ADAM22: variants seen among roughly 807,000 people sequenced by gnomAD.
The protein encoded by ADAM22 is ADAM metallopeptidase domain 22.
A neutral mutation model predicts 144.6 loss-of-function variants in ADAM22; 65 were observed. The ratio of observed to expected loss-of-function variants is 0.45; its 90% confidence interval spans 0.37 to 0.55. The LOEUF (loss-of-function observed/expected upper bound fraction) is 0.55. Among genes scored for constraint, ADAM22 ranks in the 20% least tolerant of loss-of-function variants. ADAM22 has a pLI of 0.00. For synonymous variants in ADAM22, 391 were observed against 412.6 expected (o/e 0.95, Z 0.63); for missense variants, 974 against 1,184.9 (o/e 0.82, Z 2.61).
At chr7:88,180,517 G>A (rs1350869739) in intron 27 of ADAM22, among the ~76,000 whole-genome samples, 2 of 151,936 alleles carry the variant, frequency 1.3e-5, no homozygotes, top group Non-Finnish European at 2.9e-5. Context: ...ATCAGTAGAA[G>A]GCTTTTTTTG....
chr7:87,973,329 A>G (rs1386018415), intron 2 of ADAM22, among the ~76,000 whole-genome samples: 1 of 152,252 alleles, frequency 6.6e-6, no homozygotes, highest in African/African-American at 2.4e-5. Context: ...CAAAAAACAC[A>G]TGGAGAAGTG....
intron 2 of ADAM22, among the ~76,000 whole-genome samples, chr7:87,974,841 A>G (rs995301881): frequency 6.6e-6 from 1 of 152,092 alleles, no homozygotes; most frequent in Non-Finnish European, 1.5e-5. Context: ...TGCCTTTTCT[A>G]GTTTCTAGAG....
chr7:88,001,872 A>C (rs1468014694), intron 3 of ADAM22, among the ~76,000 whole-genome samples: 1 of 151,954 alleles, frequency 6.6e-6, no homozygotes, highest in East Asian at 1.9e-4. Context: ...CTTAAGATTG[A>C]GTAGGGATAT....
chr7:87,970,300 T>G (rs1356999647), intron 2 of ADAM22, among the ~76,000 whole-genome samples: 1 of 152,158 alleles, frequency 6.6e-6, no homozygotes, highest in Non-Finnish European at 1.5e-5. Context: ...GAATTATACT[T>G]GTAGTTTTTT....
At chr7:87,988,940 A>G (rs1789108703) in intron 3 of ADAM22, among the ~76,000 whole-genome samples, 1 of 152,240 alleles carries the variant, frequency 6.6e-6, no homozygotes, top group Admixed American at 6.5e-5. Context: ...TTGCAGGAAG[A>G]AAAATGGAAG....
intron 3 of ADAM22, among the ~76,000 whole-genome samples, chr7:88,028,697 A>T (rs1057097912): frequency 1.2e-4 from 18 of 151,892 alleles, no homozygotes; most frequent in African/African-American, 4.4e-4. Flanking sequence ...ATATACACAT[A>T]TGTATATATT....
At chr7:88,056,545 A>G (rs1808301920) in intron 3 of ADAM22, among the ~76,000 whole-genome samples, 1 of 152,212 alleles carries the variant, frequency 6.6e-6, no homozygotes, top group Non-Finnish European at 1.5e-5. Context: ...ATTTAGTTTG[A>G]GGAATACAAT....
At chr7:88,180,957 C>T (rs1167357783) in intron 27 of ADAM22, among the ~76,000 whole-genome samples, 2 of 152,022 alleles carry the variant, frequency 1.3e-5, no homozygotes, top group African/African-American at 4.8e-5. Context: ...ATGTACTACA[C>T]TTTTTTGGAC....
Position 88,116,825 on chromosome 7 carries a change from C to A in ADAM22, c.607+11C>A. On this transcript the variant is annotated intron_variant, in intron 7 of 31. Transcript: ENST00000413139. Reference sequence around the variant, plus strand: ...ATGATCTTCCATCTGGTATGATGTTCATATAGTGACTTTTTATCTAAAAGA... The same window carrying A: ...ATGATCTTCCATCTGGTATGATGTTAATATAGTGACTTTTTATCTAAAAGA... The A allele has an allele frequency of 6.3e-7, 1 of 1,593,718 alleles. No individual in the cohort carries two copies. The highest frequency in any genetic ancestry group is 1.1e-5 in the South Asian group (1 of 90,432).
chr7:88,163,131 T>C lies in ADAM22; in HGVS notation c.2027T>C (p.Phe676Ser). The C allele has an allele frequency of 6.2e-7, 1 of 1,612,212 alleles. No homozygotes were observed. Residue 676 changes from phenylalanine to serine, a missense_variant, in exon 23 of 32, where the codon TTT becomes TCT. Coordinates refer to ENST00000413139, the MANE Select transcript of ADAM22 (RefSeq NM_001324418.2). ...HRCLPVASFNFSTCLSSKEGT... is the reference protein window; with the variant it reads ...HRCLPVASFNSSTCLSSKEGT... ...TGTCTTCCTGTGGCTTCTTTCAACT[T>C]TAGTACTTGCTTGAGCAGTAAAGAA... is the stretch of plus-strand genomic sequence containing the variant.
chr7:88,069,979 C>T (rs1812307042), intron 3 of ADAM22, among the ~76,000 whole-genome samples: 1 of 152,032 alleles, frequency 6.6e-6, no homozygotes, highest in African/African-American at 2.4e-5. Context: ...TGGGTTCATC[C>T]TCTGAGTCAA....
At chr7:88,054,588 CTGTGTGTGTGTGTGTGTGTGTGTG>C in intron 3 of ADAM22, among the ~76,000 whole-genome samples, 1 of 132,284 alleles carries the variant, frequency 7.6e-6, no homozygotes, top group Middle Eastern at 3.8e-3. Context: ...AGGTGCCCTC[CTGTGTGTGTGTGTGTGTGTGTGTG>C]TGTGTGTGTG....
At chr7:88,169,344 A>G (rs185672931) in intron 25 of ADAM22, among the ~76,000 whole-genome samples, 1 of 152,250 alleles carries the variant, frequency 6.6e-6, no homozygotes, top group African/African-American at 2.4e-5. Flanking sequence ...AGTGAAGGAG[A>G]GTACAGCACA....
At chr7:88,180,374 G>A (rs1188157025) in intron 27 of ADAM22, among the ~76,000 whole-genome samples, 1 of 151,976 alleles carries the variant, frequency 6.6e-6, no homozygotes, top group South Asian at 2.1e-4. Flanking sequence ...AGAAATTAAT[G>A]GTTTCCAGCA....
intron 15 of ADAM22, 118 bp downstream of exon 15, chr7:88,143,243 A>C: frequency 1.6e-6 from 1 of 625,890 alleles, no homozygotes; most frequent in Non-Finnish European, 2.7e-6. Context: ...CTGTATGTAC[A>C]TATTCTAGAT....
intron 3 of ADAM22, among the ~76,000 whole-genome samples, chr7:88,014,886 C>G (rs909095585): frequency 6.6e-6 from 1 of 152,172 alleles, no homozygotes; most frequent in Non-Finnish European, 1.5e-5. Context: ...AGAAATGATT[C>G]CTAAGCTAAG....
intron 3 of ADAM22, among the ~76,000 whole-genome samples, chr7:88,024,944 T>A (rs1004382243): frequency 1.3e-5 from 2 of 152,146 alleles, no homozygotes; most frequent in Non-Finnish European, 1.5e-5. Context: ...CTTAATCCAG[T>A]CTATCATTGT....
chr7:88,151,492 G>A (rs1334101685), intron 20 of ADAM22, among the ~76,000 whole-genome samples, 172 bp downstream of exon 20: 1 of 152,332 alleles, frequency 6.6e-6, no homozygotes, highest in East Asian at 1.9e-4. Context: ...GCACCCCTTT[G>A]AGAAGCAGCC....
chr7:87,965,483 A>C (rs770480079), intron 2 of ADAM22, among the ~76,000 whole-genome samples: 5 of 152,204 alleles, frequency 3.3e-5, no homozygotes, highest in Non-Finnish European at 5.9e-5. Flanking sequence ...ATATAGTTTC[A>C]TTCCTTAGTC....
Sources: allele counts gnomAD v4.1 joint callset (sites outside exome capture counted in the v4.1 genomes callset), GRCh38; gene constraint gnomAD v4.1.1; transcripts MANE v1.5; gene names NCBI Gene and HGNC (gene_info 2026-07-23, HGNC 2026-07-21).